Variants in COBL observed in about 807,000 individuals in gnomAD.
COBL encodes protein cordon-bleu.
A neutral mutation model predicts 98.8 loss-of-function variants in COBL; 51 were observed. The observed-to-expected ratio is 0.52, with a 90% CI of 0.41 to 0.65. The LOEUF (loss-of-function observed/expected upper bound fraction) is 0.65. COBL is among the 30% of genes least tolerant of loss of function. The pLI is 0.00. For missense variants in COBL, 1,617 were observed against 1,617.5 expected, an observed-to-expected ratio of 1.00 and a Z score of 0.01; for synonymous variants, 634 against 651.7, an observed-to-expected ratio of 0.97 and a Z score of 0.41.
At chr7:51,044,636 C>T (rs911362866) in intron 7 of COBL, among the ~76,000 whole-genome samples, 1 of 152,150 alleles carries the variant, frequency 6.6e-6, no homozygotes, top group African/African-American at 2.4e-5. Flanking sequence ...GTCCAGAAAA[C>T]AAGCACTGTG....
rs189667248 is a variant in COBL at position 51,194,756 on chromosome 7, C to T, written c.246-1167G>A. Among the ~76,000 whole-genome samples the T allele has an allele frequency of 3.7e-3, 569 of 152,054 alleles. 1 individual carries two copies. Among genetic ancestry groups the T allele is most frequent in the African/African-American group, 0.013 (550 of 41,494 alleles). ...TCATGTTTGTTGGCCTCATGTGTGT[C>T]TTCTTTTGAAAAGTGTCTGTTCATG... On this transcript the variant is annotated intron_variant, in intron 2 of 12. Coordinates refer to ENST00000265136, the MANE Select transcript of COBL (RefSeq NM_015198.5).
intron 1 of COBL, among the ~76,000 whole-genome samples, chr7:51,269,754 T>C (rs1347431514): frequency 1.3e-5 from 2 of 152,248 alleles, no homozygotes; most frequent in East Asian, 1.9e-4. Context: ...ATAGACCCTT[T>C]CTATTAGTTT....
rs34068228 is a variant in COBL, at chr7:51,268,932, T to TAAAA, written c.41+47657_41+47660dup. Among the ~76,000 whole-genome samples the TAAAA allele has an allele frequency of 3.9e-5, 4 of 103,542 alleles. No individual in the cohort carries two copies. In the South Asian group the frequency reaches 9.3e-4, roughly 24 times the overall value. 67.9% of individuals were successfully genotyped at this position (103,542 alleles called of 152,430 possible). On this transcript the variant is annotated intron_variant, in intron 1 of 12. Transcript: ENST00000265136. ...GTGACAGAGTGAGACCCCGTCTCAA[T>TAAAA]AAAAAAAAAAAAAAAAAAAAAATTC...
At chr7:51,248,260 A>C (rs777528185) in intron 1 of COBL, among the ~76,000 whole-genome samples, 1 of 152,216 alleles carries the variant, frequency 6.6e-6, no homozygotes, top group African/African-American at 2.4e-5. Flanking sequence ...TAAAACTTAC[A>C]TATAAAATAA....
intron 6 of COBL, among the ~76,000 whole-genome samples, chr7:51,111,791 C>A (rs938961597): frequency 1.3e-5 from 2 of 152,210 alleles, no homozygotes; most frequent in Admixed American, 6.5e-5. Flanking sequence ...CTGTGCAGTG[C>A]CAGCCAGGGC....
intron 7 of COBL, among the ~76,000 whole-genome samples, chr7:51,056,209 T>TGG (rs5884184): frequency 1.3e-3 from 159 of 122,246 alleles, no homozygotes; most frequent in Non-Finnish European, 2.2e-3. Flanking sequence ...AGAAACAATA[T>TGG]GGGGGGGTGC....
At chr7:51,115,439 C>G (rs191518921) in intron 6 of COBL, among the ~76,000 whole-genome samples, 351 of 152,136 alleles carry the variant, frequency 2.3e-3, no homozygotes, top group African/African-American at 7.5e-3. Flanking sequence ...ACTGCTGTAG[C>G]TAGATCCCAC....
chr7:51,025,237 A>AGGGTGGAGG lies in COBL; in HGVS notation c.3631_3639dup (p.Pro1211_Pro1213dup). The AGGGTGGAGG allele has an allele frequency of 3.0e-6, 1 of 334,632 alleles. No homozygotes were observed. The highest frequency in any genetic ancestry group is 5.3e-6 in the Non-Finnish European group (1 of 187,878). 20.7% of individuals were successfully genotyped at this position (334,632 alleles called of 1,614,324 possible). ...GTCCTTGGTGCAGAGAGAGCCTGGG[A>AGGGTGGAGG]GGGTGGAGGGGGTGGTGGGGGAATG... On this transcript the variant is annotated inframe_insertion, in exon 12 of 13. Transcript: ENST00000265136.
At chr7:51,293,878 G>A (rs1801138181) in intron 1 of COBL, among the ~76,000 whole-genome samples, 1 of 152,030 alleles carries the variant, frequency 6.6e-6, no homozygotes, top group Non-Finnish European at 1.5e-5. Context: ...CCTGGGTCAC[G>A]CACAGTGCTC....
intron 5 of COBL, among the ~76,000 whole-genome samples, chr7:51,182,942 C>G (rs1300951653): frequency 3.9e-5 from 6 of 152,218 alleles, no homozygotes; most frequent in African/African-American, 1.4e-4. Context: ...CTGTTCTCAT[C>G]TGGCTCTCAC....
chr7:51,095,815 C>T (rs1795221509), intron 6 of COBL, among the ~76,000 whole-genome samples: 1 of 152,068 alleles, frequency 6.6e-6, no homozygotes. Flanking sequence ...TAATGATAAA[C>T]GATCTACTCA....
chr7:51,218,979 A>T (rs532527273), intron 2 of COBL, among the ~76,000 whole-genome samples: 1 of 152,300 alleles, frequency 6.6e-6, no homozygotes, highest in East Asian at 1.9e-4. Flanking sequence ...GTTATCACTA[A>T]AAGTATCAGT....
chr7:51,257,225 G>A (rs1024022363), intron 1 of COBL, among the ~76,000 whole-genome samples: 3 of 152,098 alleles, frequency 2.0e-5, no homozygotes, highest in Non-Finnish European at 1.5e-5. Context: ...AGTGAATTAC[G>A]TCCCCAACAA....
intron 1 of COBL, among the ~76,000 whole-genome samples, chr7:51,247,967 C>T (rs1037355551): frequency 6.6e-6 from 1 of 151,970 alleles, no homozygotes; most frequent in African/African-American, 2.4e-5. Flanking sequence ...GTGAAACCCC[C>T]GTCTCTACTA....
At chr7:51,245,054 C>T (rs1796165268) in intron 1 of COBL, among the ~76,000 whole-genome samples, 1 of 152,094 alleles carries the variant, frequency 6.6e-6, no homozygotes, top group Admixed American at 6.5e-5. Flanking sequence ...CAAAGAGGAG[C>T]CCTACACCCA....
chr7:51,047,985 G>A (rs1341717554), intron 7 of COBL, among the ~76,000 whole-genome samples: 1 of 152,060 alleles, frequency 6.6e-6, no homozygotes, highest in African/African-American at 2.4e-5. Context: ...TGGCCAACAT[G>A]GCAAAACCTT....
intron 1 of COBL, among the ~76,000 whole-genome samples, chr7:51,311,614 C>T (rs977409744): frequency 2.0e-5 from 3 of 152,058 alleles, no homozygotes; most frequent in Non-Finnish European, 2.9e-5. Context: ...AGAAAAGTGA[C>T]GTAGGCTTCC....
At chr7:51,093,883 G>A (rs1795035856) in intron 6 of COBL, among the ~76,000 whole-genome samples, 1 of 151,078 alleles carries the variant, frequency 6.6e-6, no homozygotes, top group African/African-American at 2.4e-5. Flanking sequence ...GATGGCACCA[G>A]GCCCTGACAC....
intron 2 of COBL, among the ~76,000 whole-genome samples, chr7:51,199,148 T>G (rs923609499): frequency 3.9e-5 from 6 of 152,198 alleles, no homozygotes; most frequent in Admixed American, 1.3e-4. Context: ...TCATGTGACC[T>G]GGCTTCAGCC....
Sources: allele counts gnomAD v4.1 joint callset (sites outside exome capture counted in the v4.1 genomes callset), GRCh38; gene constraint gnomAD v4.1.1; transcripts MANE v1.5; gene names NCBI Gene and HGNC (gene_info 2026-07-23, HGNC 2026-07-21).